The following CLVS1 variants were observed in gnomAD, a reference collection of about 807,000 sequenced individuals.
The protein encoded by CLVS1 is clavesin 1, also known as clavesin-1.
CLVS1 carries 10 observed loss-of-function variants against 33.1 expected under a neutral mutation model. The observed-to-expected ratio is 0.30, with a 90% CI of 0.19 to 0.51. The LOEUF is 0.51. Ranked by LOEUF, CLVS1 falls within the 20% of genes least tolerant of loss-of-function variation. CLVS1 has a pLI of 0.97. For missense variants in CLVS1, 343 were observed against 433.4 expected (o/e 0.79, Z 1.85); for synonymous variants, 163 against 166.1 (o/e 0.98, Z 0.14).
the CLVS1 span, among the ~76,000 whole-genome samples, chr8:61,011,510 A>G: frequency 1.3e-5 from 2 of 152,014 alleles, no homozygotes. Flanking sequence ...GTGCAATGGC[A>G]TGGTGTCGGC....
chr8:61,430,244 A>G (rs1183305275), intron 3 of CLVS1, among the ~76,000 whole-genome samples: 2 of 152,236 alleles, frequency 1.3e-5, no homozygotes, highest in African/African-American at 4.8e-5. Context: ...ATCATAGATT[A>G]CAGATGCATC....
chr8:61,097,047 G>C (rs896834472), intron 1 of CLVS1, among the ~76,000 whole-genome samples: 1 of 152,032 alleles, frequency 6.6e-6, no homozygotes, highest in Admixed American at 6.6e-5. Context: ...ACAGTTAAAG[G>C]TCTCTAAACC....
At chr8:61,008,566 A>C in the CLVS1 span, among the ~76,000 whole-genome samples, 7 of 152,008 alleles carry the variant, frequency 4.6e-5, no homozygotes, top group East Asian at 1.9e-4. Context: ...TCATGGGTTC[A>C]AGTGACTCTC....
intron 2 of CLVS1, among the ~76,000 whole-genome samples, chr8:61,143,701 T>A (rs752905219): frequency 1.6e-4 from 24 of 150,266 alleles, no homozygotes; most frequent in Admixed American, 1.3e-3. Context: ...TACAATAAAT[T>A]ACTCTATGCT....
At chr8:61,265,378 T>C (rs1382442715) in intron 2 of CLVS1, among the ~76,000 whole-genome samples, 9 of 152,216 alleles carry the variant, frequency 5.9e-5, no homozygotes, top group Non-Finnish European at 1.3e-4. Flanking sequence ...TTAATCTTTC[T>C]TTACTTCAGT....
intron 5 of CLVS1, among the ~76,000 whole-genome samples, chr8:61,468,735 A>AAAAAAAAAAAAAAAAAAAAAAG (rs1217287345): frequency 2.2e-5 from 3 of 138,740 alleles, no homozygotes; most frequent in South Asian, 2.2e-4. Context: ...AAAAAAAAAA[A>AAAAAAAAAAAAAAAAAAAAAAG]AAAAGGTAGT....
intron 2 of CLVS1, among the ~76,000 whole-genome samples, chr8:61,322,227 A>G (rs1811217324): frequency 6.6e-6 from 1 of 152,200 alleles, no homozygotes. Context: ...CTGTTTGCAT[A>G]TATTTACAGA....
chr8:61,014,200 A>G, the CLVS1 span, among the ~76,000 whole-genome samples: 1 of 151,870 alleles, frequency 6.6e-6, no homozygotes, highest in Non-Finnish European at 1.5e-5. Flanking sequence ...TGGTTAAAGT[A>G]AATCAGTGTT....
upstream of CLVS1, among the ~76,000 whole-genome samples, chr8:61,284,818 G>A (rs1809743204): frequency 1.3e-5 from 2 of 152,304 alleles, no homozygotes; most frequent in Middle Eastern, 6.8e-3. Context: ...TGACCTTCAT[G>A]TCTACTTAAA....
chr8:61,066,398 T>C (rs951751206), intron 1 of CLVS1, among the ~76,000 whole-genome samples: 3 of 152,142 alleles, frequency 2.0e-5, no homozygotes, highest in African/African-American at 7.2e-5. Context: ...CTTGGAGGGC[T>C]GAGGTGGGAG....
chr8:61,320,546 A>G (rs563991593), intron 2 of CLVS1, among the ~76,000 whole-genome samples: 8 of 152,360 alleles, frequency 5.3e-5, no homozygotes, highest in African/African-American at 1.9e-4. Context: ...ACAAAATACC[A>G]TAAACTAGCA....
the CLVS1 span, among the ~76,000 whole-genome samples, chr8:60,969,613 G>A: frequency 6.6e-6 from 1 of 152,132 alleles, no homozygotes; most frequent in South Asian, 2.1e-4. Flanking sequence ...GGCCAAGAGG[G>A]GGTCAGTTCA....
intron 1 of CLVS1, among the ~76,000 whole-genome samples, chr8:61,059,867 T>C: frequency 6.6e-6 from 1 of 152,012 alleles, no homozygotes; most frequent in East Asian, 1.9e-4. Flanking sequence ...CCAAGTGGTA[T>C]GCCCATGTGA....
chr8:61,013,296 C>T, the CLVS1 span, among the ~76,000 whole-genome samples: 1 of 152,212 alleles, frequency 6.6e-6, no homozygotes, highest in Non-Finnish European at 1.5e-5. Context: ...CAGGGGGCTC[C>T]TTCCCAGCCT....
chr8:61,436,129 C>A (rs1816321394), intron 3 of CLVS1, among the ~76,000 whole-genome samples: 1 of 152,158 alleles, frequency 6.6e-6, no homozygotes, highest in Non-Finnish European at 1.5e-5. Flanking sequence ...AGAGCCCAGT[C>A]CACTTCCTTA....
At chr8:60,975,889 G>A in the CLVS1 span, among the ~76,000 whole-genome samples, 1 of 152,184 alleles carries the variant, frequency 6.6e-6, no homozygotes, top group African/African-American at 2.4e-5. Flanking sequence ...AAATGGTCAA[G>A]GAGGACCATA....
chr8:61,183,780 C>T (rs1807287256), intron 2 of CLVS1, among the ~76,000 whole-genome samples: 1 of 152,176 alleles, frequency 6.6e-6, no homozygotes, highest in Non-Finnish European at 1.5e-5. Context: ...GAATCTAATA[C>T]TCCCCCACCC....
chr8:61,405,320 T>C (rs1193361062), intron 3 of CLVS1, among the ~76,000 whole-genome samples: 1 of 152,214 alleles, frequency 6.6e-6, no homozygotes, highest in Non-Finnish European at 1.5e-5. Flanking sequence ...CCTTTAGTCA[T>C]TCTTTCACAT....
the CLVS1 span, among the ~76,000 whole-genome samples, chr8:61,033,157 A>C: frequency 7.4e-6 from 1 of 134,934 alleles, no homozygotes; most frequent in Non-Finnish European, 1.6e-5. Context: ...GAAAGAAAGA[A>C]AGAAAAAGAA....
Sources: allele counts gnomAD v4.1 joint callset (sites outside exome capture counted in the v4.1 genomes callset), GRCh38; gene constraint gnomAD v4.1.1; transcripts MANE v1.5; gene names NCBI Gene and HGNC (gene_info 2026-07-23, HGNC 2026-07-21).